ING3: variants seen among roughly 807,000 people sequenced by gnomAD.
ING3 encodes inhibitor of growth family member 3.
A neutral mutation model predicts 64.8 loss-of-function variants in ING3; 6 were observed. The ratio of observed to expected loss-of-function variants is 0.09; its 90% CI spans 0.05 to 0.18. ING3 has a LOEUF of 0.18. Among genes scored for constraint, ING3 ranks in the 10% least tolerant of loss-of-function variants. The pLI, the probability that ING3 is intolerant of heterozygous loss-of-function variation, is 1.00. For missense variants in ING3, 310 were observed against 489.7 expected (o/e 0.63, Z 3.46); for synonymous variants, 170 against 173.7 (o/e 0.98, Z 0.17).
intron 8 of ING3, among the ~76,000 whole-genome samples, chr7:120,968,755 A>T (rs988748314): frequency 3.4e-5 from 5 of 149,048 alleles, no homozygotes; most frequent in Non-Finnish European, 5.9e-5. Context: ...CTATGGCAGG[A>T]GAATTGCTTG....
chr7:120,967,746 C>G, intron 7 of ING3, 98 bp downstream of exon 7: 1 of 1,347,544 alleles, frequency 7.4e-7, no homozygotes, highest in Non-Finnish European at 1.0e-6. Flanking sequence ...AGTTTCTTTA[C>G]CTGGTTAAAG....
chr7:120,955,442 A>T, intron 3 of ING3, 117 bp from the exon 4 acceptor site: 1 of 706,284 alleles, frequency 1.4e-6, no homozygotes, highest in Non-Finnish European at 2.3e-6. Flanking sequence ...GTTTTTTATT[A>T]CTAAGGTAGG....
chr7:120,955,542 A>G lies in ING3; in HGVS notation c.202-17A>G. On this transcript the variant is annotated splice_polypyrimidine_tract_variant and intron_variant, in intron 3 of 11. Transcript: ENST00000315870. The stretch of plus-strand genomic sequence containing the variant: ...AAATGATTAATTTATTTTTGAAATG[A>G]AAATGTTTTCATTCAGGACTACTAT... The G allele has an allele frequency of 6.4e-7, 1 of 1,561,230 alleles. No individual in the cohort carries two copies. The highest frequency in any genetic ancestry group is 1.7e-5 in the Admixed American group (1 of 57,166).
chr7:120,953,459 G>A (rs893776402), intron 3 of ING3, 55 bp downstream of exon 3: 13 of 1,052,594 alleles, frequency 1.2e-5, no homozygotes, highest in Non-Finnish European at 1.7e-5. Context: ...CTCTGAAAAA[G>A]ATATTTCAAA....
chr7:120,973,149 G>GT, intron 10 of ING3, 56 bp from the exon 11 acceptor site: 1 of 896,238 alleles, frequency 1.1e-6, no homozygotes. Context: ...CAGTTAATTG[G>GT]TATCTAGGTG....
rs976177594 is a variant in ING3 at position 120,975,606 on chromosome 7, T to G, written c.*762T>G. 1.3e-5 allele frequency: 2 copies of G among 152,164 alleles called. No individual in the cohort carries two copies. The highest frequency in any genetic ancestry group is 6.5e-5 in the Admixed American group (1 of 15,270). 9.4% of individuals were successfully genotyped at this position (152,164 alleles called of 1,614,324 possible). A position where few individuals can be genotyped will look rare whatever the true frequency, so the allele number is the denominator to read the frequency against. On this transcript the variant is annotated 3_prime_UTR_variant, in exon 12 of 12. Transcript: ENST00000315870. ...TGTGTTTATTTTTTTGTGCAAGTAA[T>G]CCTTAAAATTGCAATTGTATTAGGT... is the stretch of plus-strand genomic sequence containing the variant.
chr7:120,968,177 T>A, intron 8 of ING3, 86 bp downstream of exon 8: 1 of 1,187,402 alleles, frequency 8.4e-7, no homozygotes, highest in Non-Finnish European at 1.2e-6. Flanking sequence ...TGTGAACAAA[T>A]AGTTTTCTAA....
intron 4 of ING3, chr7:120,956,279 T>C: frequency 4.0e-6 from 6 of 1,487,126 alleles, no homozygotes; most frequent in Non-Finnish European, 5.4e-6. Flanking sequence ...ATATACACTT[T>C]AAGAAATAGT....
At chr7:120,950,999 G>A in intron 1 of ING3, 75 bp downstream of exon 1, 2 of 1,204,670 alleles carry the variant, frequency 1.7e-6, no homozygotes, top group South Asian at 2.4e-5. Flanking sequence ...CGGGCAGCGA[G>A]ATGGCGGGAG....
rs139274230 is a variant in ING3 at position 120,971,551 on chromosome 7, C to T, written c.1101+671C>T. Among the ~76,000 whole-genome samples the T allele has an allele frequency of 5.1e-3, 775 of 152,226 alleles. 6 individuals carry two copies. Among genetic ancestry groups the T allele is most frequent in the Middle Eastern group, 0.02 (6 of 294 alleles). ...TGTGTATAAGTTTGTCAGTAGGAAC[C>T]ACAGTGTATACTTTCTTGTTACTGG... On this transcript the variant is annotated intron_variant, in intron 10 of 11. Transcript: ENST00000315870.
At chr7:120,971,100 A>G (rs1796064742) in intron 10 of ING3, among the ~76,000 whole-genome samples, 2 of 152,206 alleles carry the variant, frequency 1.3e-5, no homozygotes, top group African/African-American at 4.8e-5. Context: ...GTAACTAAAC[A>G]TTTTTGGTAT....
At chr7:120,965,975 C>G (rs991698228) in intron 5 of ING3, among the ~76,000 whole-genome samples, 1 of 151,516 alleles carries the variant, frequency 6.6e-6, no homozygotes, top group Non-Finnish European at 1.5e-5. Context: ...AGCATCCTCT[C>G]TAAGGACACA....
Position 120,950,781 on chromosome 7 carries a change from A to T in ING3, c.-116A>T. 3.4e-4 allele frequency: 100 copies of T among 295,184 alleles called. No individual in the cohort carries two copies. Among genetic ancestry groups the T allele is most frequent in the Non-Finnish European group, 5.4e-4 (83 of 154,396 alleles). 18.3% of individuals were successfully genotyped at this position (295,184 alleles called of 1,614,324 possible). ...TTTTTTCTTTTTTTTTTTTTGCCGG[A>T]GTCGAGCGGGTGCTGCTAGCGGAGG... On this transcript the variant is annotated 5_prime_UTR_variant, in exon 1 of 12. Coordinates refer to ENST00000315870, the MANE Select transcript of ING3 (RefSeq NM_019071.3).
chr7:120,969,448 C>CT (rs1796039606), intron 9 of ING3, among the ~76,000 whole-genome samples: 1 of 151,648 alleles, frequency 6.6e-6, no homozygotes, highest in Non-Finnish European at 1.5e-5. Context: ...TACATGACTT[C>CT]TTTTTATCTT....
chr7:120,966,113 T>TA (rs1795993626), intron 5 of ING3, among the ~76,000 whole-genome samples: 1 of 152,226 alleles, frequency 6.6e-6, no homozygotes, highest in Non-Finnish European at 1.5e-5. Flanking sequence ...AGCTTGGTGT[T>TA]AGAGATTCTA....
intron 10 of ING3, among the ~76,000 whole-genome samples, chr7:120,971,438 C>CA (rs1796068897): frequency 6.6e-6 from 1 of 152,152 alleles, no homozygotes; most frequent in African/African-American, 2.4e-5. Flanking sequence ...CAATTATAGT[C>CA]ACGTTGGGGG....
chr7:120,964,943 TGGTG>T, intron 5 of ING3, 105 bp downstream of exon 5: 4 of 858,360 alleles, frequency 4.7e-6, no homozygotes, highest in Non-Finnish European at 7.6e-6. Flanking sequence ...CTTCAATGGA[TGGTG>T]GCATCCAGGC....
Position 120,967,630 on chromosome 7 carries a change from T to C in ING3, c.538T>C (p.Ser180Pro), listed in dbSNP as rs752617786. The C allele has an allele frequency of 6.3e-7, 1 of 1,597,212 alleles. No homozygotes were observed. The highest frequency in any genetic ancestry group is 1.7e-4 in the Middle Eastern group (1 of 5,964). The change falls in exon 7 of 12, where the codon TCT becomes CCT. Residue 180 changes from serine (S) to proline (P), a missense_variant. Physicochemically the swap from Ser to Pro is moderately conservative, Grantham distance 74 (BLOSUM62 -1). Transcript: ENST00000315870. ...TCTATCCACCCTTACGTCAGATGCC[T>C]CTAAGGAAAATACACTAGGTAAGTT... ...ALLSTLTSDA[S>P]KENTLGCRNN... is the part of the protein sequence containing the mutation.
chr7:120,965,309 G>A (rs558441517), intron 5 of ING3, among the ~76,000 whole-genome samples: 1 of 152,216 alleles, frequency 6.6e-6, no homozygotes, highest in South Asian at 2.1e-4. Context: ...TCTTAAAGAA[G>A]TGTTTTCTTC....
Sources: allele counts gnomAD v4.1 joint callset (sites outside exome capture counted in the v4.1 genomes callset), GRCh38; gene constraint gnomAD v4.1.1; transcripts MANE v1.5; gene names NCBI Gene and HGNC (gene_info 2026-07-23, HGNC 2026-07-21).